The following FER variants were observed in gnomAD, a reference collection of about 807,000 sequenced individuals.
FER encodes FER tyrosine kinase.
In FER, 63 loss-of-function variants were observed where a neutral mutation model predicts 111.0. The ratio of observed to expected loss-of-function variants is 0.57; its 90% confidence interval spans 0.46 to 0.70. FER has a LOEUF of 0.70. FER is among the 30% of genes least tolerant of loss of function. FER has a pLI of 0.00. For synonymous variants in FER, 327 were observed against 313.9 expected, an observed-to-expected ratio of 1.04 and a Z score of -0.44; for missense variants, 914 against 954.0, an observed-to-expected ratio of 0.96 and a Z score of 0.55.
chr5:108,993,246 A>G, intron 13 of FER, among the ~76,000 whole-genome samples: 1 of 152,216 alleles, frequency 6.6e-6, no homozygotes, highest in Non-Finnish European at 1.5e-5. Context: ...TAGCCTGGGC[A>G]CCATTGAGCA....
intron 17 of FER, among the ~76,000 whole-genome samples, chr5:109,106,472 C>A (rs1748947995): frequency 6.6e-6 from 1 of 151,784 alleles, no homozygotes; most frequent in South Asian, 2.1e-4. Context: ...GCATTTATGA[C>A]TGATTTTCTT....
At position 108,993,302 on chromosome 5, in the gene FER, C is replaced by T. The variant is rs182097339; in HGVS notation, c.1656+33955C>T. ...CTGCAATCCCGGCACCTCGGGAGGC[C>T]GAGGCTGGCGGATCACTCGCGGTTA... On this transcript the variant is annotated intron_variant, in intron 13 of 19. Coordinates refer to ENST00000281092, the MANE Select transcript of FER (RefSeq NM_005246.4). 2.0e-5 allele frequency among the ~76,000 whole-genome samples: 3 copies of T among 152,298 alleles called. No individual in the cohort carries two copies. In the East Asian group the frequency reaches 5.8e-4, roughly 29 times the overall value.
chr5:108,782,701 C>T (rs938668448), intron 2 of FER: 6 of 152,034 alleles, frequency 3.9e-5, no homozygotes, highest in East Asian at 1.9e-4. Flanking sequence ...TGATCTTGAA[C>T]TCCTGGGCTC....
chr5:108,955,835 G>A (rs1758353246), intron 12 of FER, among the ~76,000 whole-genome samples: 1 of 151,688 alleles, frequency 6.6e-6, no homozygotes, highest in Non-Finnish European at 1.5e-5. Context: ...ACACAGACAT[G>A]CACATGTGCA....
At chr5:108,825,995 CT>C (rs1759424334) in intron 3 of FER, among the ~76,000 whole-genome samples, 1 of 152,094 alleles carries the variant, frequency 6.6e-6, no homozygotes. Context: ...AGTGAGCATC[CT>C]TTTCTTTTTT....
chr5:109,047,812 T>G (rs912770339), intron 16 of FER, among the ~76,000 whole-genome samples: 2 of 146,536 alleles, frequency 1.4e-5, no homozygotes, highest in African/African-American at 4.9e-5. Flanking sequence ...TTCTTTCATA[T>G]GTGGACAAAC....
intron 2 of FER, among the ~76,000 whole-genome samples, chr5:108,770,962 A>G (rs1383672272): frequency 6.6e-6 from 1 of 150,782 alleles, no homozygotes; most frequent in Non-Finnish European, 1.5e-5. Flanking sequence ...TTTGAGATGG[A>G]GTCTCACTCT....
At position 109,017,439 on chromosome 5, in the gene FER, A is replaced by G. The variant is rs527476795; in HGVS notation, c.1657-19983A>G. ...ATGTTGGATGTGATGTCCTCTGCTC[A>G]TGATTGCTGCAGAAATACCCAAATG... On this transcript the variant is annotated intron_variant, in intron 13 of 19. Transcript: ENST00000281092. Among the ~76,000 whole-genome samples, 26 of 152,112 alleles carry G rather than the reference A, an allele frequency of 1.7e-4. No individual in the cohort carries two copies. The South Asian group carries it at 4.6e-3, about 27-fold the overall frequency.
intron 16 of FER, among the ~76,000 whole-genome samples, chr5:109,082,437 A>G (rs775890657): frequency 2.6e-5 from 4 of 152,038 alleles, no homozygotes; most frequent in Non-Finnish European, 5.9e-5. Flanking sequence ...TGCTGTCTAG[A>G]TAAAATACAT....
chr5:108,992,021 C>A (rs947706195), intron 13 of FER, among the ~76,000 whole-genome samples: 3 of 152,068 alleles, frequency 2.0e-5, no homozygotes, highest in Non-Finnish European at 2.9e-5. Flanking sequence ...GAGGACCCTG[C>A]GGCCTTCCGC....
At position 109,195,242 on chromosome 5, in the gene FER, G is replaced by A. The variant is rs1182387643; in HGVS notation, c.*7667G>A. ...AATATTTTCTCCTTAATTAAAGTAC[G>A]TTGCTTGTATTTAGACTATAAGATG... On this transcript the variant is annotated 3_prime_UTR_variant, in exon 20 of 20. Transcript: ENST00000281092. The A allele has an allele frequency of 2.0e-5, 3 of 152,086 alleles. No homozygotes were observed. Among genetic ancestry groups the A allele is most frequent in the Admixed American group, 6.6e-5 (1 of 15,262 alleles). The allele number at this position is 152,086 out of a possible 1,614,324, so 9.4% of individuals were successfully genotyped here. A position where few individuals can be genotyped will look rare whatever the true frequency, so the allele number is the denominator to read the frequency against.
At position 108,847,517 on chromosome 5, in the gene FER, G is replaced by A. The variant is rs576348944; in HGVS notation, c.481+11710G>A. 1.9e-4 allele frequency among the ~76,000 whole-genome samples: 29 copies of A among 152,104 alleles called. No homozygotes were observed. In the East Asian group the frequency reaches 5.0e-3, roughly 26 times the overall value. ...TGGAGTGATCTACATTGTCAACTTG[G>A]TCCAGTTGTTTAATAGTATTATTCA... On this transcript the variant is annotated intron_variant, in intron 5 of 19. Transcript: ENST00000281092.
chr5:108,895,913 A>G (rs986700989), intron 9 of FER, among the ~76,000 whole-genome samples: 2 of 151,904 alleles, frequency 1.3e-5, no homozygotes, highest in Non-Finnish European at 2.9e-5. Flanking sequence ...TGCAAAGTTT[A>G]TTTTTATTCT....
At chr5:109,028,002 G>A (rs1466405457) in intron 13 of FER, among the ~76,000 whole-genome samples, 1 of 152,030 alleles carries the variant, frequency 6.6e-6, no homozygotes, top group African/African-American at 2.4e-5. Flanking sequence ...TTATTTTTAA[G>A]TGATTTTATA....
At chr5:108,954,556 G>A (rs997386353) in intron 11 of FER, among the ~76,000 whole-genome samples, 173 bp from the exon 12 acceptor site, 8 of 151,958 alleles carry the variant, frequency 5.3e-5, no homozygotes, top group South Asian at 2.1e-4. Flanking sequence ...TGTATTTGTG[G>A]TAAACTTCAG....
chr5:109,092,176 C>T (rs144911004), intron 16 of FER, among the ~76,000 whole-genome samples: 1 of 146,482 alleles, frequency 6.8e-6, no homozygotes, highest in Non-Finnish European at 1.5e-5. Flanking sequence ...TAGAAGAAAA[C>T]ATGGATATTT....
At chr5:109,053,181 C>T (rs368483132) in intron 16 of FER, among the ~76,000 whole-genome samples, 3 of 151,936 alleles carry the variant, frequency 2.0e-5, no homozygotes, top group Non-Finnish European at 2.9e-5. Context: ...GTCAGGCATT[C>T]GGGACCAGCC....
At chr5:109,146,253 AAT>A (rs6149172) in intron 17 of FER, among the ~76,000 whole-genome samples, 1,836 of 41,946 alleles carry the variant, frequency 0.044, 70 homozygotes, top group Admixed American at 0.095. Context: ...TAATCTATCT[AAT>A]ATATATATAT....
intron 5 of FER, among the ~76,000 whole-genome samples, chr5:108,839,057 T>A (rs1760961662): frequency 6.6e-6 from 1 of 152,142 alleles, no homozygotes; most frequent in East Asian, 1.9e-4. Flanking sequence ...TACCCTTTGA[T>A]ACAAAGAAGT....
Sources: gnomAD v4.1 joint callset for allele counts (sites outside exome capture counted in the v4.1 genomes callset) on GRCh38, gnomAD v4.1.1 for gene constraint, MANE v1.5 for transcripts, NCBI Gene and HGNC (gene_info 2026-07-23, HGNC 2026-07-21) for gene names.